CCDC57: variants seen among roughly 807,000 people sequenced by gnomAD.
The protein encoded by CCDC57 is coiled-coil domain-containing protein 57.
Under a neutral mutation model 118.9 loss-of-function variants are expected in CCDC57, and 118 were observed. That is an observed-to-expected ratio of 0.99 (90% CI 0.86 to 1.16). The LOEUF is 1.16. CCDC57 is among the 50% of genes most tolerant of loss of function. CCDC57 has a pLI of 0.00. For synonymous variants in CCDC57, 527 were observed against 532.9 expected, an observed-to-expected ratio of 0.99 and a Z score of 0.15; for missense variants, 1,300 against 1,320.7, an observed-to-expected ratio of 0.98 and a Z score of 0.24.
In CCDC57 at chr17:82,179,008, CCCTGGTGG is replaced by C. The variant is rs1163495659; in HGVS notation, c.1374+11_1374+18del. ...GCAGAGACGCCGAGAAGGCCCCAGG[CCCTGGTGG>C]CCGCACACACCTGACTTTTTGCCAT... On this transcript the variant is annotated intron_variant, in intron 10 of 19. Transcript: ENST00000665763. 5.6e-6 allele frequency: 9 copies of C among 1,610,502 alleles called. No homozygotes were observed. Among genetic ancestry groups the C allele is most frequent in the Non-Finnish European group, 7.6e-6 (9 of 1,178,110 alleles).
chr17:82,126,717 C>T, intron 19 of CCDC57: 1 of 985,446 alleles, frequency 1.0e-6, no homozygotes, highest in Non-Finnish European at 1.2e-6. Flanking sequence ...GCAGCCTTGA[C>T]TACGCAAGCC....
intron 8 of CCDC57, among the ~76,000 whole-genome samples, chr17:82,187,393 C>T (rs1599297108): frequency 6.8e-6 from 1 of 147,656 alleles, no homozygotes; most frequent in Non-Finnish European, 1.5e-5. Flanking sequence ...AAAATGTGGA[C>T]AAACTTTGAG....
chr17:82,205,862 T>C (rs984807658), intron 2 of CCDC57, among the ~76,000 whole-genome samples: 6 of 152,244 alleles, frequency 3.9e-5, no homozygotes, highest in Non-Finnish European at 7.3e-5. Context: ...ACCAAGGGCC[T>C]GTAAGTCAGC....
chr17:82,159,262 G>A (rs2043033473), intron 14 of CCDC57, among the ~76,000 whole-genome samples: 1 of 152,176 alleles, frequency 6.6e-6, no homozygotes. Context: ...GACTCCCAAA[G>A]TGTTGAGATT....
rs1245397185 is a variant in CCDC57 at position 82,119,098 on chromosome 17, GGGGGTGGGGGTGGGAGTGGGGGCA to G, written c.2899+8570_2899+8593del. Reference sequence around the variant, plus strand: ...CACTGAGCGGGCGGGAGGTGGGGGCGGGGGTGGGGGTGGGAGTGGGGGCAGGGGTGGGGGTGGGGGTGGTGAGAA... The same window carrying G: ...CACTGAGCGGGCGGGAGGTGGGGGCGGGGGTGGGGGTGGGGGTGGTGAGAA... On this transcript the variant is annotated intron_variant, in intron 19 of 19. Transcript: ENST00000665763. Among the ~76,000 whole-genome samples, 5 of 65,916 alleles carry G rather than the reference GGGGGTGGGGGTGGGAGTGGGGGCA, an allele frequency of 7.6e-5. No individual in the cohort carries two copies. The East Asian group carries it at 1.4e-3, about 18-fold the overall frequency. The allele number at this position is 65,916 out of a possible 152,430, so 43.2% of individuals were successfully genotyped here. A position where few individuals can be genotyped will look rare whatever the true frequency, so the allele number is the denominator to read the frequency against.
chr17:82,188,997 T>C (rs560143907), intron 7 of CCDC57, among the ~76,000 whole-genome samples: 1 of 152,306 alleles, frequency 6.6e-6, no homozygotes, highest in East Asian at 1.9e-4. Context: ...CCAGGCACAG[T>C]GGATCATGCC....
At chr17:82,150,835 T>A (rs1287041451) in intron 16 of CCDC57, among the ~76,000 whole-genome samples, 1 of 98,386 alleles carries the variant, frequency 1.0e-5, no homozygotes, top group African/African-American at 4.3e-5. Context: ...ACTCAGAACC[T>A]GACCCGCACC....
At chr17:82,210,953 C>T (rs2050137544) in intron 1 of CCDC57, among the ~76,000 whole-genome samples, 1 of 145,166 alleles carries the variant, frequency 6.9e-6, no homozygotes, top group Non-Finnish European at 1.5e-5. Flanking sequence ...GAGATCGCGC[C>T]ACTGAACTCC....
At chr17:82,193,012 A>G (rs752503523) in intron 7 of CCDC57, among the ~76,000 whole-genome samples, 5 of 152,116 alleles carry the variant, frequency 3.3e-5, no homozygotes, top group Admixed American at 6.5e-5. Context: ...TTCTGGGATT[A>G]CAGGCCTGAG....
intron 3 of CCDC57, among the ~76,000 whole-genome samples, chr17:82,199,477 C>CAAAAAAAAAAAAAAAAAAA (rs55713414): frequency 3.5e-4 from 31 of 87,596 alleles, no homozygotes; most frequent in African/African-American, 1.0e-3. Context: ...GACTCTGTCT[C>CAAAAAAAAAAAAAAAAAAA]AAAAAAAAAA....
chr17:82,190,988 C>A lies in CCDC57; in HGVS notation c.852-2569G>T, dbSNP rs62078348. On this transcript the variant is annotated intron_variant, in intron 7 of 19. Transcript: ENST00000665763. ...TTGCTATAGAAAAAGCCACGGAAGC[C>A]ATCCAGCCCAAATAATAAATTCCTG... Among the ~76,000 whole-genome samples, 1,469 of 152,012 alleles carry A rather than the reference C, an allele frequency of 9.7e-3. 8 individuals are homozygous for A. Among genetic ancestry groups the A allele is most frequent in the Middle Eastern group, 0.027 (8 of 294 alleles).
In CCDC57 at chr17:82,182,204, A is replaced by T. The variant is rs2046293625; in HGVS notation, c.1211+1570T>A. On this transcript the variant is annotated intron_variant, in intron 9 of 19. Transcript: ENST00000665763. ...TTCATATTATGAGGGTTTTCTACAT[A>T]CACAAGTAATAGGTAAATCTAAATG... Among the ~76,000 whole-genome samples, 3 of 151,966 alleles carry T rather than the reference A, an allele frequency of 2.0e-5. No homozygotes were observed. The South Asian group carries it at 6.2e-4, about 32-fold the overall frequency.
exon 16 of CCDC57, chr17:82,151,610 T>G: frequency 6.4e-7 from 1 of 1,550,414 alleles, no homozygotes. Context: ...CTCGATGAGC[T>G]GCTCTTTCTC....
chr17:82,129,411 G>A (rs1410375739), intron 17 of CCDC57, among the ~76,000 whole-genome samples: 2 of 152,218 alleles, frequency 1.3e-5, no homozygotes, highest in Non-Finnish European at 2.9e-5. Context: ...ACAGAGCCAT[G>A]GACAATAGAT....
intron 16 of CCDC57, chr17:82,145,793 C>T (rs2040650266): frequency 2.1e-5 from 10 of 466,358 alleles, no homozygotes; most frequent in South Asian, 7.8e-5. Flanking sequence ...TGGTCTCGGC[C>T]GGAACCCTGT....
At chr17:82,150,913 G>T (rs181325421) in intron 16 of CCDC57, among the ~76,000 whole-genome samples, 1 of 8,696 alleles carries the variant, frequency 1.1e-4, no homozygotes, top group Non-Finnish European at 2.3e-4. Context: ...AACCTGACCC[G>T]CACCCAGAAC....
At chr17:82,207,133 G>C (rs1454511687) in intron 2 of CCDC57, among the ~76,000 whole-genome samples, 1 of 152,140 alleles carries the variant, frequency 6.6e-6, no homozygotes, top group African/African-American at 2.4e-5. Context: ...TTGAGCCCAG[G>C]AGTTCGAGAC....
intron 19 of CCDC57, among the ~76,000 whole-genome samples, chr17:82,121,558 A>G (rs1056499432): frequency 4.6e-5 from 7 of 152,220 alleles, no homozygotes; most frequent in Non-Finnish European, 8.8e-5. Context: ...AAAGAAAAAG[A>G]TTCAGGAGAG....
chr17:82,201,792 C>A (rs769946069), exon 3 of CCDC57: 44 of 1,613,522 alleles, frequency 2.7e-5, no homozygotes, highest in Admixed American at 5.0e-5. Context: ...CCTGCAGGCA[C>A]CGCAGTTTCC....
Sources: gnomAD v4.1 joint callset for allele counts (sites outside exome capture counted in the v4.1 genomes callset) on GRCh38, gnomAD v4.1.1 for gene constraint, MANE v1.5 for transcripts, NCBI Gene and HGNC (gene_info 2026-07-23, HGNC 2026-07-21) for gene names.